Variants in NEBL observed in about 807,000 individuals in gnomAD.
NEBL encodes nebulette.
In NEBL, 122 loss-of-function variants were observed where a neutral mutation model predicts 140.2. That is an observed-to-expected ratio of 0.87 (90% CI 0.75 to 1.01). The LOEUF is 1.01. Among genes scored for constraint, NEBL ranks in the 50% least tolerant of loss-of-function variants. NEBL has a pLI of 0.00. For synonymous variants in NEBL, 436 were observed against 398.9 expected, an observed-to-expected ratio of 1.09 and a Z score of -1.11; for missense variants, 1,365 against 1,231.3, an observed-to-expected ratio of 1.11 and a Z score of -1.62.
chr10:21,029,692 C>T, intron 2 of NEBL: 1 of 1,053,376 alleles, frequency 9.5e-7, no homozygotes, highest in Non-Finnish European at 1.5e-6. Flanking sequence ...TGATTCAGAC[C>T]AGTCTGGCCG....
chr10:21,008,787 A>T lies in NEBL; in HGVS notation c.249+11330T>A, dbSNP rs531097989. ...CACATAGGAAACAACAGTATTTATAAGGTTCGGTACTATCTGCAGTTTTCA... is the reference window on the plus strand; with the variant it reads ...CACATAGGAAACAACAGTATTTATATGGTTCGGTACTATCTGCAGTTTTCA... On this transcript the variant is annotated intron_variant, in intron 3 of 6. Transcript: ENST00000417816. Among the ~76,000 whole-genome samples, 20 of 152,274 alleles carry T rather than the reference A, an allele frequency of 1.3e-4. No individual in the cohort carries two copies. The South Asian group carries it at 4.1e-3, about 32-fold the overall frequency.
At chr10:21,275,421 C>T (rs1305362685) in intron 1 of NEBL, among the ~76,000 whole-genome samples, 1 of 152,288 alleles carries the variant, frequency 6.6e-6, no homozygotes, top group Non-Finnish European at 1.5e-5. Flanking sequence ...TGGGATGACT[C>T]CAAAATAGGG....
chr10:21,016,536 T>C (rs1361347355), intron 3 of NEBL, among the ~76,000 whole-genome samples: 2 of 152,184 alleles, frequency 1.3e-5, no homozygotes, highest in Non-Finnish European at 2.9e-5. Context: ...GGAAAATATA[T>C]TTCGATTTTC....
At chr10:21,287,593 T>C (rs78247178) in intron 1 of NEBL, among the ~76,000 whole-genome samples, 4,305 of 152,040 alleles carry the variant, frequency 0.028, 189 homozygotes, top group African/African-American at 0.098. Flanking sequence ...ATAAGAGAAA[T>C]GCAAGTAAAA....
intron 3 of NEBL, among the ~76,000 whole-genome samples, chr10:21,187,026 GTGTA>G (rs1190017558): frequency 1.4e-5 from 2 of 138,138 alleles, no homozygotes; most frequent in East Asian, 2.0e-4. Flanking sequence ...GTGTGTGTGT[GTGTA>G]TACATATGTA....
intron 3 of NEBL, among the ~76,000 whole-genome samples, chr10:21,231,940 C>T (rs1842268092): frequency 6.6e-6 from 1 of 152,182 alleles, no homozygotes; most frequent in Non-Finnish European, 1.5e-5. Context: ...TATGCCCCCT[C>T]CCTTTTGCGG....
At chr10:21,254,530 G>A (rs139347756) in intron 1 of NEBL, among the ~76,000 whole-genome samples, 2 of 152,030 alleles carry the variant, frequency 1.3e-5, no homozygotes, top group African/African-American at 4.8e-5. Context: ...TGCAACCTCT[G>A]CCTCCCAGAT....
chr10:21,116,097 A>G (rs1333811057), intron 2 of NEBL, among the ~76,000 whole-genome samples: 1 of 151,928 alleles, frequency 6.6e-6, no homozygotes, highest in Non-Finnish European at 1.5e-5. Context: ...GACTCTCTTT[A>G]TCATACTCTT....
At chr10:20,825,902 C>T (rs1285733564) in intron 18 of NEBL, among the ~76,000 whole-genome samples, 1 of 152,044 alleles carries the variant, frequency 6.6e-6, no homozygotes, top group Non-Finnish European at 1.5e-5. Context: ...GATTTGTTTT[C>T]GTTTCTGCTG....
chr10:20,987,584 G>C (rs528941572), intron 3 of NEBL, among the ~76,000 whole-genome samples: 2 of 152,212 alleles, frequency 1.3e-5, no homozygotes, highest in African/African-American at 4.8e-5. Flanking sequence ...CCACAGACTG[G>C]AGCATGGTGC....
chr10:20,832,795 T>C (rs1012952691), intron 14 of NEBL, among the ~76,000 whole-genome samples: 5 of 152,194 alleles, frequency 3.3e-5, no homozygotes, highest in Admixed American at 3.3e-4. Flanking sequence ...TTGCCTCCTA[T>C]CTTCCACTCA....
intron 13 of NEBL, among the ~76,000 whole-genome samples, chr10:20,839,709 A>T (rs555121977): frequency 6.6e-6 from 1 of 152,296 alleles, no homozygotes; most frequent in African/African-American, 2.4e-5. Context: ...GAGGATAATC[A>T]GCACATTCTA....
At chr10:21,030,929 C>G (rs1833752466) in intron 2 of NEBL, 1 of 243,242 alleles carries the variant, frequency 4.1e-6, no homozygotes, top group Non-Finnish European at 8.1e-6. Context: ...GCAGGCCTGG[C>G]TACAAATTAC....
At chr10:21,206,965 T>TTTC (rs997244563) in intron 3 of NEBL, among the ~76,000 whole-genome samples, 31 of 148,482 alleles carry the variant, frequency 2.1e-4, no homozygotes, top group African/African-American at 6.6e-4. Flanking sequence ...TTTCTTTTTC[T>TTTC]TTCTTTTTTT....
chr10:21,037,541 T>C (rs1418523008), intron 2 of NEBL, among the ~76,000 whole-genome samples: 1 of 152,104 alleles, frequency 6.6e-6, no homozygotes, highest in East Asian at 1.9e-4. Flanking sequence ...CGGGTGACAG[T>C]CAGGGCAGGT....
intron 3 of NEBL, among the ~76,000 whole-genome samples, chr10:20,962,589 C>T (rs888963448): frequency 6.6e-6 from 1 of 152,206 alleles, no homozygotes; most frequent in Admixed American, 6.5e-5. Context: ...TCTTACAGAA[C>T]CCCATCTCCT....
chr10:21,079,965 A>T (rs1836291874), intron 2 of NEBL, among the ~76,000 whole-genome samples: 1 of 152,222 alleles, frequency 6.6e-6, no homozygotes, highest in Non-Finnish European at 1.5e-5. Flanking sequence ...CGGAGTATAG[A>T]TACTGTATAT....
At chr10:21,234,246 T>A (rs1842317017) in intron 3 of NEBL, among the ~76,000 whole-genome samples, 1 of 152,032 alleles carries the variant, frequency 6.6e-6, no homozygotes, top group Non-Finnish European at 1.5e-5. Flanking sequence ...TGAAATGTAA[T>A]CCCCGGTGTT....
chr10:21,114,448 T>C (rs1838189095), intron 2 of NEBL, among the ~76,000 whole-genome samples: 3 of 152,090 alleles, frequency 2.0e-5, no homozygotes, highest in South Asian at 2.1e-4. Flanking sequence ...ATGTTGATTA[T>C]AGTGTTGTTC....
Sources: gnomAD v4.1 joint callset for allele counts (sites outside exome capture counted in the v4.1 genomes callset) on GRCh38, gnomAD v4.1.1 for gene constraint, MANE v1.5 for transcripts, NCBI Gene and HGNC (gene_info 2026-07-23, HGNC 2026-07-21) for gene names.